The following SYNE1 variants were observed in gnomAD, a reference collection of about 807,000 sequenced individuals.
SYNE1 encodes the protein spectrin repeat containing nuclear envelope protein 1.
A neutral mutation model predicts 1,111.0 loss-of-function variants in SYNE1; 616 were observed. That is an observed-to-expected ratio of 0.55 (90% confidence interval 0.52 to 0.59). The LOEUF is 0.59. SYNE1 is among the 20% of genes least tolerant of loss of function. The pLI is 0.00. For synonymous variants in SYNE1, 3,855 were observed against 3,825.8 expected, an observed-to-expected ratio of 1.01 and a Z score of -0.28; for missense variants, 10,006 against 10,417.0, an observed-to-expected ratio of 0.96 and a Z score of 1.72.
In SYNE1 at chr6:152,242,170, A is replaced by C. The variant is rs1203424827; in HGVS notation, c.19893+70T>G. ...GACTGAGAATATTAGGTTTTACTAA[A>C]TATATATCAGGGTTTGAGAGCATGC... On this transcript the variant is annotated intron_variant, in intron 107 of 145. Transcript: ENST00000367255. 2.2e-6 allele frequency: 3 copies of C among 1,367,572 alleles called. No individual in the cohort carries two copies. The African/African-American group carries it at 4.3e-5, about 20-fold the overall frequency. The allele number at this position is 1,367,572 out of a possible 1,614,324, so 84.7% of individuals were successfully genotyped here.
Position 152,321,459 on chromosome 6 carries a change from T to C in SYNE1, c.16084-69A>G, listed in dbSNP as rs551853707. The C allele has an allele frequency of 1.9e-4, 291 of 1,557,160 alleles. 4 individuals are homozygous for C. The South Asian group carries it at 3.2e-3, about 17-fold the overall frequency. ...GGGGACTGTTATAGACAAGGCTGTATATTTTTCATCAACATATAATTAAGT... is the reference window on the plus strand; with the variant it reads ...GGGGACTGTTATAGACAAGGCTGTACATTTTTCATCAACATATAATTAAGT... On this transcript the variant is annotated intron_variant, in intron 83 of 145. Transcript: ENST00000367255.
chr6:152,569,508 AAGAAG>A (rs2099434037), intron 3 of SYNE1, among the ~76,000 whole-genome samples: 1 of 152,192 alleles, frequency 6.6e-6, no homozygotes, highest in Non-Finnish European at 1.5e-5. Flanking sequence ...AAGTTTAATA[AAGAAG>A]AGAAAAGACC....
intron 119 of SYNE1, 137 bp from the exon 120 acceptor site, chr6:152,219,322 T>A: frequency 1.1e-6 from 1 of 901,780 alleles, no homozygotes; most frequent in Non-Finnish European, 1.8e-6. Flanking sequence ...ACTTCACCTG[T>A]GGAAAAATGA....
chr6:152,470,506 A>C (rs1347673821), intron 16 of SYNE1, among the ~76,000 whole-genome samples: 1 of 152,198 alleles, frequency 6.6e-6, no homozygotes, highest in African/African-American at 2.4e-5. Flanking sequence ...CAGATTTTGC[A>C]TTTTGGAACA....
chr6:152,167,811 C>T (rs1263624258), intron 130 of SYNE1: 1 of 604,268 alleles, frequency 1.7e-6, no homozygotes, highest in Admixed American at 1.9e-5. Context: ...TCCTGTGTCT[C>T]AGCCTCTCTA....
At chr6:152,412,020 T>C (rs879537746) in intron 42 of SYNE1, among the ~76,000 whole-genome samples, 14 of 152,230 alleles carry the variant, frequency 9.2e-5, no homozygotes, top group African/African-American at 2.9e-4. Context: ...TGAATGTTTA[T>C]AAATACTTTA....
chr6:152,265,015 C>T (rs546156519), intron 100 of SYNE1, among the ~76,000 whole-genome samples: 2 of 152,050 alleles, frequency 1.3e-5, no homozygotes, highest in African/African-American at 2.4e-5. Flanking sequence ...TCAAGACCAG[C>T]CTGGCCAACA....
chr6:152,576,119 T>C (rs2099495550), intron 3 of SYNE1, among the ~76,000 whole-genome samples: 1 of 152,268 alleles, frequency 6.6e-6, no homozygotes, highest in Non-Finnish European at 1.5e-5. Flanking sequence ...AACCCATCTT[T>C]CTTTGCTAAT....
At chr6:152,304,443 T>C (rs1589664628) in intron 91 of SYNE1, among the ~76,000 whole-genome samples, 1 of 152,206 alleles carries the variant, frequency 6.6e-6, no homozygotes, top group South Asian at 2.1e-4. Context: ...CAAGCCATTC[T>C]CTTGCCTCAG....
chr6:152,191,548 CA>C (rs1319357792), intron 127 of SYNE1, among the ~76,000 whole-genome samples: 1 of 152,052 alleles, frequency 6.6e-6, no homozygotes, highest in Non-Finnish European at 1.5e-5. Flanking sequence ...CTAGGTTTCC[CA>C]ATTTATTGGC....
chr6:152,331,194 C>G lies in SYNE1; in HGVS notation c.13491G>C (p.Lys4497Asn), dbSNP rs1218456193. ...DDVSKQVKTC[K>N]SAQASLKTYQ... ...AAGTCTTGAGGCTGGCTTGTGCACT[C>G]TTACATGTTTTGACTTGTTTGCTCA... Residue 4497 changes from lysine to asparagine, a missense_variant, in exon 78 of 146, where the codon AAG becomes AAC. Lys to Asn is a moderately conservative substitution (Grantham distance 94). Around this residue, in one of 7 missense-constraint regions of SYNE1, gnomAD observed 4,955 missense variants for 5,017.2 expected, o/e 0.99. Transcript: ENST00000367255. 3 of 1,613,864 alleles carry G rather than the reference C, an allele frequency of 1.9e-6. No homozygotes were observed. The highest frequency in any genetic ancestry group is 4.5e-5 in the East Asian group (2 of 44,898).
chr6:152,407,835 C>A (rs2097924342), intron 44 of SYNE1, among the ~76,000 whole-genome samples: 1 of 149,950 alleles, frequency 6.7e-6, no homozygotes, highest in African/African-American at 2.5e-5. Context: ...GATCTCAGCT[C>A]ACTGCAACCT....
intron 127 of SYNE1, among the ~76,000 whole-genome samples, chr6:152,197,833 A>T (rs1240195544): frequency 3.3e-5 from 5 of 152,186 alleles, no homozygotes; most frequent in African/African-American, 1.2e-4. Context: ...CACTGACTTT[A>T]AGTCACCAGC....
Position 152,155,894 on chromosome 6 carries a change from C to A in SYNE1, c.23978+16G>T, listed in dbSNP as rs756534075. On this transcript the variant is annotated intron_variant, in intron 132 of 145. Transcript: ENST00000367255. ...GGTCTTTCCTCTTCCCTATCTGTTTCAGCATCCCAGCTCACTTCAGCCTCC... is the reference window on the plus strand; with the variant it reads ...GGTCTTTCCTCTTCCCTATCTGTTTAAGCATCCCAGCTCACTTCAGCCTCC... The A allele has an allele frequency of 6.8e-6, 11 of 1,613,514 alleles. No homozygotes were observed. Among genetic ancestry groups the A allele is most frequent in the Non-Finnish European group, 9.3e-6 (11 of 1,179,894 alleles).
chr6:152,497,024 A>G (rs2099003366), intron 11 of SYNE1, among the ~76,000 whole-genome samples: 1 of 151,370 alleles, frequency 6.6e-6, no homozygotes, highest in South Asian at 2.1e-4. Context: ...TCCACTACCC[A>G]CCCAAATCCT....
At chr6:152,198,762 T>C (rs2074725130) in intron 127 of SYNE1, among the ~76,000 whole-genome samples, 1 of 152,152 alleles carries the variant, frequency 6.6e-6, no homozygotes, top group Admixed American at 6.5e-5. Flanking sequence ...GAATTAAGAT[T>C]GCTGACTTCT....
At chr6:152,408,413 T>C (rs1276533960) in intron 44 of SYNE1, among the ~76,000 whole-genome samples, 2 of 152,180 alleles carry the variant, frequency 1.3e-5, no homozygotes, top group African/African-American at 4.8e-5. Flanking sequence ...TTACTTAAAA[T>C]TATTATATGT....
At chr6:152,585,394 T>A (rs1351816707) in intron 3 of SYNE1, among the ~76,000 whole-genome samples, 1 of 152,226 alleles carries the variant, frequency 6.6e-6, no homozygotes, top group East Asian at 1.9e-4. Context: ...TGCAAATAGA[T>A]CCGTGGGATA....
intron 3 of SYNE1, among the ~76,000 whole-genome samples, chr6:152,577,966 T>C (rs970170671): frequency 4.5e-4 from 69 of 152,190 alleles, no homozygotes; most frequent in African/African-American, 2.9e-4. Context: ...CCTGCATTTT[T>C]CCCTGTATAT....
Sources: allele counts gnomAD v4.1 joint callset (sites outside exome capture counted in the v4.1 genomes callset), GRCh38; gene constraint gnomAD v4.1.1; regional missense constraint gnomAD v4.1.1; transcripts MANE v1.5; gene names NCBI Gene and HGNC (gene_info 2026-07-23, HGNC 2026-07-21).